MUC3A: variants seen among roughly 807,000 people sequenced by gnomAD.
The protein encoded by MUC3A is mucin 3A, cell surface associated, also known as mucin-3A.
MUC3A carries 109 observed loss-of-function variants against 109.0 expected under a neutral mutation model. The observed-to-expected ratio is 1.00, with a 90% CI of 0.86 to 1.17. The LOEUF is 1.17. Ranked by LOEUF, MUC3A falls within the 50% of genes most tolerant of loss-of-function variation. The probability of loss-of-function intolerance (pLI) is 0.00; values close to 1 mark genes in which losing one functional copy is unlikely to be tolerated. For missense variants in MUC3A, 3,537 were observed against 2,469.4 expected (o/e 1.43, Z -9.16); for synonymous variants, 1,398 against 981.4 (o/e 1.42, Z -7.93).
intron 6 of MUC3A, chr7:100,965,044 C>T (rs587651862): frequency 1.8e-6 from 2 of 1,089,268 alleles, no homozygotes; most frequent in East Asian, 5.2e-5. Context: ...GGGAAAGAGA[C>T]CCCCTGATTG....
intron 1 of MUC3A, among the ~76,000 whole-genome samples, chr7:100,950,201 C>T (rs552922449): frequency 2.6e-4 from 39 of 152,356 alleles, no homozygotes; most frequent in East Asian, 3.9e-4. Flanking sequence ...CCAGCTCTGC[C>T]GTCACTCTCT....
At chr7:100,960,725 G>T in intron 2 of MUC3A, 27 bp from the exon 3 acceptor site, 18 of 1,593,600 alleles carry the variant, frequency 1.1e-5, no homozygotes, top group Non-Finnish European at 1.5e-5. Flanking sequence ...TTTATCCTGA[G>T]CTTCCCTTTC....
At chr7:100,960,986 C>A (rs1792308934) in intron 3 of MUC3A, 49 bp downstream of exon 3, 1 of 1,598,112 alleles carries the variant, frequency 6.3e-7, no homozygotes, top group Non-Finnish European at 8.5e-7. Context: ...CAGGGTGTCA[C>A]TGACTCTCCC....
chr7:100,957,510 A>C lies in MUC3A; in HGVS notation c.5731A>C (p.Ile1911Leu), dbSNP rs1584802876. ...CAGTACTCCTAGCTTCACTTCTTCAATCGCAACCACCGAGACCCCCTCACA... is the reference window on the plus strand; with the variant it reads ...CAGTACTCCTAGCTTCACTTCTTCACTCGCAACCACCGAGACCCCCTCACA... ...SHSTPSFTSS[I>L]ATTETPSHST... Residue 1911 changes from isoleucine (I) to leucine (L), a missense_variant, in exon 2 of 12, where the codon ATC becomes CTC. Ile to Leu is a conservative substitution (Grantham distance 5). Coordinates refer to ENST00000379458, the MANE Select transcript of MUC3A (RefSeq NM_005960.2). The C allele has an allele frequency of 6.4e-7, 1 of 1,558,004 alleles. No individual in the cohort carries two copies. Among genetic ancestry groups the C allele is most frequent in the African/African-American group, 1.4e-5 (1 of 73,590 alleles).
chr7:100,966,229 T>A, intron 8 of MUC3A, 157 bp from the exon 9 acceptor site: 18 of 405,834 alleles, frequency 4.4e-5, no homozygotes, highest in Non-Finnish European at 5.6e-5. Flanking sequence ...CCCCGGCCCC[T>A]CGTTCTAGGG....
rs1199760899 is a variant in MUC3A, at chr7:100,965,702, A to G, written c.9449-2A>G. ...CTGTGCATCCCCCTCCCCAACCCCC[A>G]GCCATCTGCCGCCGCGCCGCTCCCA... On this transcript the variant is annotated splice_acceptor_variant, in intron 7 of 11. Coordinates refer to ENST00000379458, the MANE Select transcript of MUC3A (RefSeq NM_005960.2). LOFTEE classifies it high-confidence loss of function. 5 of 1,596,364 alleles carry G rather than the reference A, an allele frequency of 3.1e-6. No homozygotes were observed. Among genetic ancestry groups the G allele is most frequent in the Non-Finnish European group, 4.2e-6 (5 of 1,178,586 alleles).
At position 100,963,998 on chromosome 7, in the gene MUC3A, G is replaced by A. The variant is rs149694994; in HGVS notation, c.9233+246G>A. 2.0e-3 allele frequency: 1,253 copies of A among 633,556 alleles called. No homozygotes were observed. The African/African-American group carries it at 0.021, about 11-fold the overall frequency. The allele number at this position is 633,556 out of a possible 1,614,324, so 39.2% of individuals were successfully genotyped here. ...AGTTGCAGGGACATGTGGGAAGGTG[G>A]TGCCTGGATTGATGACTTTGTCCCC... is the stretch of plus-strand genomic sequence containing the variant. On this transcript the variant is annotated intron_variant, in intron 5 of 11. Transcript: ENST00000379458.
intron 8 of MUC3A, 101 bp downstream of exon 8, chr7:100,965,967 C>T (rs1792525642): frequency 1.4e-6 from 2 of 1,453,378 alleles, no homozygotes; most frequent in East Asian, 2.5e-5. Context: ...CCTGGGCCTA[C>T]AGTGGAGCCT....
chr7:100,966,229 T>G (rs1792544145), intron 8 of MUC3A, 157 bp from the exon 9 acceptor site: 9 of 405,862 alleles, frequency 2.2e-5, no homozygotes, highest in African/African-American at 9.8e-5. Context: ...CCCCGGCCCC[T>G]CGTTCTAGGG....
At position 100,959,075 on chromosome 7, in the gene MUC3A, C is replaced by T; in HGVS notation, c.7296C>T (p.Thr2432=). ...STPGFTSSIT[T]TETTSESTPS... ...CTGGCTTCACTTCTTCAATCACCAC[C>T]ACTGAGACCACCTCAGAGAGTACTC... The change falls in exon 2 of 12, where the codon ACC becomes ACT. Residue 2432 remains threonine (T), a synonymous_variant. Transcript: ENST00000379458. The T allele has an allele frequency of 1.3e-6, 2 of 1,594,852 alleles. No individual in the cohort carries two copies. Among genetic ancestry groups the T allele is most frequent in the Non-Finnish European group, 1.7e-6 (2 of 1,177,402 alleles).
At chr7:100,967,078 A>G in intron 11 of MUC3A, 43 bp from the exon 12 acceptor site, 1 of 1,598,524 alleles carries the variant, frequency 6.3e-7, no homozygotes, top group Non-Finnish European at 8.5e-7. Context: ...GTCAGCCCAA[A>G]CCAGTGGCTC....
At chr7:100,964,414 G>A in intron 5 of MUC3A, 1 of 450,514 alleles carries the variant, frequency 2.2e-6, no homozygotes. Flanking sequence ...GAGCTACAAT[G>A]ATACCACTGC....
chr7:100,960,336 G>A lies in MUC3A; in HGVS notation c.8557G>A (p.Gly2853Arg), dbSNP rs918087524. ...SPNASSSTGT[G>R]TVPTNTVFTS... ...CAATGCTTCCAGTTCCACTGGCACTGGGACTGTACCCACAAACACAGTTTT... is the reference window on the plus strand; with the variant it reads ...CAATGCTTCCAGTTCCACTGGCACTAGGACTGTACCCACAAACACAGTTTT... Residue 2853 changes from glycine (G) to arginine (R), a missense_variant, in exon 2 of 12, where the codon GGG becomes AGG. Transcript: ENST00000379458. 1.3e-5 allele frequency: 21 copies of A among 1,598,546 alleles called. No individual in the cohort carries two copies. Among genetic ancestry groups the A allele is most frequent in the Non-Finnish European group, 1.8e-5 (21 of 1,179,822 alleles).
In MUC3A at chr7:100,952,697, T is replaced by C; in HGVS notation, c.918T>C (p.Ser306=). 6.3e-7 allele frequency: 1 copy of C among 1,597,742 alleles called. No individual in the cohort carries two copies. Among genetic ancestry groups the C allele is most frequent in the East Asian group, 2.2e-5 (1 of 44,876 alleles). Reference sequence around the variant, plus strand: ...TCCTGAGCACAGAAACAATCACCAGTGGTATCACAAACACCACCCCCCTAT... The same window carrying C: ...TCCTGAGCACAGAAACAATCACCAGCGGTATCACAAACACCACCCCCCTAT... The part of the protein sequence containing the change: ...TPVLSTETIT[S]GITNTTPLST... The change falls in exon 2 of 12, where the codon AGT becomes AGC. Residue 306 remains serine (S), a synonymous_variant. Coordinates refer to ENST00000379458, the MANE Select transcript of MUC3A (RefSeq NM_005960.2).
intron 5 of MUC3A, chr7:100,964,106 TA>T (rs1792439477): frequency 4.6e-6 from 2 of 433,226 alleles, no homozygotes; most frequent in South Asian, 2.6e-5. Context: ...AACGCACGTC[TA>T]GGGGCGCCCG....
rs1792268184 is a variant in MUC3A, at chr7:100,960,111, G to C, written c.8332G>C (p.Val2778Leu). 1 of 1,537,572 alleles carries C rather than the reference G, an allele frequency of 6.5e-7. No homozygotes were observed. The highest frequency in any genetic ancestry group is 1.9e-5 in the Admixed American group (1 of 53,156). Residue 2778 changes from valine to leucine, a missense_variant, in exon 2 of 12, where the codon GTC becomes CTC. Val to Leu is a conservative substitution (Grantham distance 32, BLOSUM62 1). Coordinates refer to ENST00000379458, the MANE Select transcript of MUC3A (RefSeq NM_005960.2). The stretch of plus-strand genomic sequence containing the variant: ...TCCAGGAACTATAACAATTACCATA[G>C]TCCCTGCCTCCCCCACTGATCCATG... ...PCPGTITITI[V>L]PASPTDPCVE...
chr7:100,950,311 A>T (rs1446196197), intron 1 of MUC3A, among the ~76,000 whole-genome samples: 1 of 152,292 alleles, frequency 6.6e-6, no homozygotes, highest in African/African-American at 2.4e-5. Context: ...TGCGTCTGAG[A>T]CTACCCGTCG....
chr7:100,963,286 G>GGTTTTTTTTT lies in MUC3A; in HGVS notation c.9168+20_9168+21insGTTTTTTTTT, dbSNP rs1792401420. 2 of 1,488,886 alleles carry GGTTTTTTTTT rather than the reference G, an allele frequency of 1.3e-6. No individual in the cohort carries two copies. The highest frequency in any genetic ancestry group is 1.8e-6 in the Non-Finnish European group (2 of 1,115,228). 92.2% of individuals were successfully genotyped at this position (1,488,886 alleles called of 1,614,324 possible). A position where few individuals can be genotyped will look rare whatever the true frequency, so the allele number is the denominator to read the frequency against. On this transcript the variant is annotated intron_variant, in intron 4 of 11. Coordinates refer to ENST00000379458, the MANE Select transcript of MUC3A (RefSeq NM_005960.2). ...AATCAGGTAAAGGGCAAAGAGAGGG[G>GGTTTTTTTTT]ATTTTTTTTTTTTTTTTGAGGTGTA...
At chr7:100,951,195 C>T (rs558290541) in intron 1 of MUC3A, among the ~76,000 whole-genome samples, 1 of 152,312 alleles carries the variant, frequency 6.6e-6, no homozygotes, top group East Asian at 1.9e-4. Flanking sequence ...AGGGTTTCAC[C>T]ATGTTGGTCA....
Sources: gnomAD v4.1 joint callset for allele counts (sites outside exome capture counted in the v4.1 genomes callset) on GRCh38, gnomAD v4.1.1 for gene constraint, MANE v1.5 for transcripts, NCBI Gene and HGNC (gene_info 2026-07-23, HGNC 2026-07-21) for gene names.